The following RALYL variants were observed in gnomAD, a reference collection of about 807,000 sequenced individuals.
RALYL encodes the protein RALY RNA binding protein like.
A neutral mutation model predicts 35.1 loss-of-function variants in RALYL; 29 were observed. The observed-to-expected ratio is 0.83, with a 90% CI of 0.61 to 1.13. RALYL has a LOEUF of 1.13. RALYL is among the 50% of genes most tolerant of loss of function. The pLI is 0.00. For synonymous variants in RALYL, 120 were observed against 127.6 expected (o/e 0.94, Z 0.40); for missense variants, 359 against 360.4 (o/e 1.00, Z 0.03).
At chr8:84,639,283 C>A (rs1242141545) in intron 2 of RALYL, among the ~76,000 whole-genome samples, 1 of 151,658 alleles carries the variant, frequency 6.6e-6, no homozygotes, top group Non-Finnish European at 1.5e-5. Context: ...AAAAGAAAAA[C>A]CATATGGCAG....
chr8:84,230,746 C>T (rs924779592), intron 1 of RALYL, among the ~76,000 whole-genome samples: 10 of 152,172 alleles, frequency 6.6e-5, no homozygotes, highest in Non-Finnish European at 8.8e-5. Context: ...CCTTTCTCTA[C>T]ATTTTCTCAC....
At chr8:84,560,409 T>C (rs972445523) in intron 2 of RALYL, among the ~76,000 whole-genome samples, 1 of 152,042 alleles carries the variant, frequency 6.6e-6, no homozygotes, top group Admixed American at 6.6e-5. Flanking sequence ...TCCAGAGCCA[T>C]GGGTATTTCT....
rs1050936813 is a variant in RALYL, at chr8:84,709,829, G to C, written c.257-64750G>C. ...TAATCCCAGCAATTTGGGAGGCCAA[G>C]GCGGGAGGATTACTTGAGTTCAGGA... On this transcript the variant is annotated intron_variant, in intron 2 of 8. Coordinates refer to ENST00000521268, the MANE Select transcript of RALYL (RefSeq NM_173848.7). 3.3e-5 allele frequency among the ~76,000 whole-genome samples: 5 copies of C among 152,228 alleles called. No homozygotes were observed. The East Asian group carries it at 9.7e-4, about 29-fold the overall frequency.
At position 84,253,986 on chromosome 8, in the gene RALYL, A is replaced by C. The variant is rs1329601377; in HGVS notation, c.-24+69562A>C. Among the ~76,000 whole-genome samples the C allele has an allele frequency of 5.9e-5, 9 of 152,274 alleles. No homozygotes were observed. The South Asian group carries it at 1.0e-3, about 18-fold the overall frequency. ...AAAATATTATTTCTCATATTTTTGTAAATAGGTTGACAAATGCATCATGAT... is the reference window on the plus strand; with the variant it reads ...AAAATATTATTTCTCATATTTTTGTCAATAGGTTGACAAATGCATCATGAT... On this transcript the variant is annotated intron_variant, in intron 1 of 8. Coordinates refer to ENST00000521268, the MANE Select transcript of RALYL (RefSeq NM_173848.7).
Position 84,764,727 on chromosome 8 carries a change from G to T in RALYL, c.257-9852G>T, listed in dbSNP as rs75967073. Among the ~76,000 whole-genome samples, 1,166 of 152,210 alleles carry T rather than the reference G, an allele frequency of 7.7e-3. 15 individuals carry two copies. The highest frequency in any genetic ancestry group is 0.026 in the African/African-American group (1,071 of 41,522). ...CTAATTTATGAAACTAGGTCCAAAG[G>T]CTCATTAAAATGGTCACAATTCAGT... is the stretch of plus-strand genomic sequence containing the variant. On this transcript the variant is annotated intron_variant, in intron 2 of 8. Coordinates refer to ENST00000521268, the MANE Select transcript of RALYL (RefSeq NM_173848.7).
intron 8 of RALYL, among the ~76,000 whole-genome samples, chr8:84,888,842 CT>C (rs1315624152): frequency 6.6e-6 from 1 of 152,112 alleles, no homozygotes; most frequent in Non-Finnish European, 1.5e-5. Context: ...CTCCGCCCCC[CT>C]GGTTCAAGCG....
At chr8:84,575,294 T>A (rs1217995093) in intron 2 of RALYL, among the ~76,000 whole-genome samples, 4 of 152,296 alleles carry the variant, frequency 2.6e-5, no homozygotes, top group South Asian at 2.1e-4. Context: ...GTATTTGAGA[T>A]ATATGTGTTT....
chr8:84,273,631 A>G (rs1465862023), intron 1 of RALYL, among the ~76,000 whole-genome samples: 1 of 152,194 alleles, frequency 6.6e-6, no homozygotes, highest in Non-Finnish European at 1.5e-5. Context: ...ATGTTTTGGG[A>G]GAGGCTTCAT....
chr8:84,521,542 T>C (rs1046616375), intron 1 of RALYL, among the ~76,000 whole-genome samples: 2 of 152,212 alleles, frequency 1.3e-5, no homozygotes, highest in Non-Finnish European at 2.9e-5. Flanking sequence ...GATGGTTCCT[T>C]ATAGAATAGA....
intron 1 of RALYL, among the ~76,000 whole-genome samples, chr8:84,349,250 C>T (rs1586510306): frequency 6.6e-6 from 1 of 150,604 alleles, no homozygotes; most frequent in South Asian, 2.1e-4. Flanking sequence ...ACCCATCCCT[C>T]TCCAGGGCTA....
chr8:84,202,530 C>T (rs1394102663), intron 1 of RALYL, among the ~76,000 whole-genome samples: 1 of 151,966 alleles, frequency 6.6e-6, no homozygotes, highest in Non-Finnish European at 1.5e-5. Context: ...CACCACCACG[C>T]CCAGCTAATT....
At chr8:84,383,195 A>G (rs1858388971) in intron 1 of RALYL, among the ~76,000 whole-genome samples, 1 of 151,856 alleles carries the variant, frequency 6.6e-6, no homozygotes, top group Non-Finnish European at 1.5e-5. Context: ...TCAGTATTAT[A>G]TCTGAAGACA....
intron 2 of RALYL, among the ~76,000 whole-genome samples, chr8:84,697,969 C>G (rs1839459951): frequency 6.6e-6 from 1 of 152,086 alleles, no homozygotes; most frequent in African/African-American, 2.4e-5. Context: ...GACAATAACT[C>G]CAATAATTCC....
chr8:84,635,768 C>T (rs988768128), intron 2 of RALYL, among the ~76,000 whole-genome samples: 2 of 151,556 alleles, frequency 1.3e-5, no homozygotes, highest in African/African-American at 2.4e-5. Context: ...TAGCATGGTG[C>T]GCAGAATGGA....
intron 4 of RALYL, among the ~76,000 whole-genome samples, chr8:84,821,153 T>TTATC (rs937517991): frequency 6.6e-6 from 1 of 152,218 alleles, no homozygotes; most frequent in Non-Finnish European, 1.5e-5. Flanking sequence ...TAATACTTGA[T>TTATC]TATCTAAATA....
At chr8:84,259,609 G>C (rs1387015373) in intron 1 of RALYL, among the ~76,000 whole-genome samples, 1 of 152,078 alleles carries the variant, frequency 6.6e-6, no homozygotes, top group African/African-American at 2.4e-5. Context: ...TGCACATTTT[G>C]GGGGACATAG....
chr8:84,399,905 C>T (rs1439237982), intron 1 of RALYL, among the ~76,000 whole-genome samples: 1 of 152,074 alleles, frequency 6.6e-6, no homozygotes, highest in Non-Finnish European at 1.5e-5. Context: ...TCACTTGAGG[C>T]CAGGAGTTCC....
chr8:84,735,005 T>TTGTGTGTGTGTGTG (rs3068131), intron 2 of RALYL, among the ~76,000 whole-genome samples: 1 of 146,570 alleles, frequency 6.8e-6, no homozygotes, highest in Non-Finnish European at 1.5e-5. Context: ...ATAGATATGT[T>TTGTGTGTGTGTGTG]TGTGTGTGTG....
chr8:84,597,958 C>A (rs150021395), intron 2 of RALYL, among the ~76,000 whole-genome samples: 17 of 152,210 alleles, frequency 1.1e-4, no homozygotes, highest in African/African-American at 3.9e-4. Context: ...TTTCTCGAAT[C>A]AAAATATTTT....
Sources: allele counts gnomAD v4.1 joint callset (sites outside exome capture counted in the v4.1 genomes callset), GRCh38; gene constraint gnomAD v4.1.1; transcripts MANE v1.5; gene names NCBI Gene and HGNC (gene_info 2026-07-23, HGNC 2026-07-21).